The following ZNF518A variants were observed in gnomAD, a reference collection of about 807,000 sequenced individuals.
The protein encoded by ZNF518A is zinc finger protein 518A.
ZNF518A carries 47 observed loss-of-function variants against 102.7 expected under a neutral mutation model. The observed-to-expected ratio is 0.46, with a 90% CI of 0.36 to 0.58. The LOEUF is 0.58. Ranked by LOEUF, ZNF518A falls within the 20% of genes least tolerant of loss-of-function variation. The probability of loss-of-function intolerance (pLI) is 0.00; values close to 1 mark genes in which losing one functional copy is unlikely to be tolerated. For missense variants in ZNF518A, 1,793 were observed against 1,699.8 expected, an observed-to-expected ratio of 1.05 and a Z score of -0.96; for synonymous variants, 652 against 594.6, an observed-to-expected ratio of 1.10 and a Z score of -1.40.
downstream of ZNF518A, chr10:96,204,389 CT>C (rs35868270): frequency 3.0e-6 from 3 of 1,008,990 alleles, no homozygotes; most frequent in African/African-American, 1.6e-5. Context: ...TGCTCAACAC[CT>C]TTTAACACGT....
chr10:96,180,964 G>A (rs1554891974), intron 1 of ZNF518A, among the ~76,000 whole-genome samples: 1 of 152,204 alleles, frequency 6.6e-6, no homozygotes, highest in African/African-American at 2.4e-5. Context: ...CCCACCAACA[G>A]TGTAAAAGTG....
chr10:96,134,566 G>A (rs1554873700), intron 3 of ZNF518A, among the ~76,000 whole-genome samples: 1 of 152,198 alleles, frequency 6.6e-6, no homozygotes, highest in Non-Finnish European at 1.5e-5. Flanking sequence ...GGAATATTCA[G>A]TTTGTACTAT....
rs200425945 is a variant in ZNF518A, at chr10:96,157,400, G to T, written c.1078G>T (p.Asp360Tyr). The change falls in exon 6 of 6, where the codon GAC becomes TAC. Residue 360 changes from aspartate (D) to tyrosine (Y), a missense_variant. Around this residue, in one of 3 missense-constraint regions of ZNF518A, gnomAD observed 1,741 missense variants for 1,622.6 expected, o/e 1.07. Transcript: ENST00000316045. ...GAACAAAACACAGACTAAATCTGAA[G>T]ACCAGAGCCATGTTGTTCAAGAGCA... ...KMNKTQTKSE[D>Y]QSHVVQEHLS... 259 of 1,612,594 alleles carry T rather than the reference G, an allele frequency of 1.6e-4. No individual in the cohort carries two copies. In the African/African-American group the frequency reaches 2.8e-3, roughly 17 times the overall value.
In ZNF518A at chr10:96,160,036, T is replaced by C. The variant is rs782431766; in HGVS notation, c.3714T>C (p.Asn1238=). The C allele has an allele frequency of 9.3e-6, 15 of 1,610,692 alleles. No homozygotes were observed. The highest frequency in any genetic ancestry group is 1.6e-4 in the Middle Eastern group (1 of 6,062). ...CCAGGGTATTAAGGTGTAAAACAAA[T>C]TGTAGAATTGAGAGGAACTTCAATA... The part of the protein sequence containing the change: ...SESRVLRCKT[N]CRIERNFNRK... The change falls in exon 6 of 6, where the codon AAT becomes AAC. Residue 1238 remains asparagine (N), a synonymous_variant. Coordinates refer to ENST00000316045, the MANE Select transcript of ZNF518A (RefSeq NM_001330736.2).
At chr10:96,143,837 AAATT>A (rs1291236154) in intron 3 of ZNF518A, among the ~76,000 whole-genome samples, 2 of 152,222 alleles carry the variant, frequency 1.3e-5, no homozygotes, top group African/African-American at 4.8e-5. Context: ...TCTTTTAAAA[AAATT>A]AAACTATTGT....
chr10:96,173,405 T>C (rs1420149656), intron 1 of ZNF518A, among the ~76,000 whole-genome samples: 1 of 152,128 alleles, frequency 6.6e-6, no homozygotes, highest in African/African-American at 2.4e-5. Context: ...AAGATATTAG[T>C]AGGTTGAAAT....
In ZNF518A at chr10:96,160,124, A is replaced by G. The variant is rs201777755; in HGVS notation, c.3802A>G (p.Thr1268Ala). The G allele has an allele frequency of 2.1e-5, 34 of 1,610,942 alleles. No homozygotes were observed. Among genetic ancestry groups the G allele is most frequent in the Non-Finnish European group, 2.9e-5 (34 of 1,178,956 alleles). Residue 1268 changes from threonine (T) to alanine (A), a missense_variant, in exon 6 of 6, where the codon ACT (threonine) becomes GCT (alanine). This residue lies in a region of ZNF518A where 1,741 missense variants were observed against 1,622.6 expected (regional missense o/e 1.07). Coordinates refer to ENST00000316045, the MANE Select transcript of ZNF518A (RefSeq NM_001330736.2). ...AACTCATGGAAGTAAAGACTCTGAA[A>G]CTGCCTTTGTATCTAGAAACAGAAA... Reference protein sequence around the residue: ...TKTHGSKDSETAFVSRNRNCK... With the variant: ...TKTHGSKDSEAAFVSRNRNCK...
chr10:96,144,372 A>G (rs1301577996), intron 3 of ZNF518A, among the ~76,000 whole-genome samples: 2 of 152,202 alleles, frequency 1.3e-5, no homozygotes, highest in East Asian at 3.8e-4. Flanking sequence ...TTCTTTCTGT[A>G]TAATTTCATG....
rs1258179258 is a variant in ZNF518A at position 96,200,925 on chromosome 10, G to A, written n.36-2649G>A. 1 of 1,459,748 alleles carries A rather than the reference G, an allele frequency of 6.9e-7. No individual in the cohort carries two copies. 90.4% of individuals were successfully genotyped at this position (1,459,748 alleles called of 1,614,324 possible). On this transcript the variant is annotated intron_variant and non_coding_transcript_variant, in intron 1 of 2. Transcript: ENST00000442635. This position sits in a 1 kb window ranked among gnomAD's most constrained non-coding sequence, Gnocchi z 4.3. ...CAAATGTCTTCTTCTCAGAAGACAT[G>A]CTCTTTCCTGCAGTTTCCTGGTAAC...
At chr10:96,195,280 A>G (rs1479133658) in intron 1 of ZNF518A, among the ~76,000 whole-genome samples, 1 of 152,160 alleles carries the variant, frequency 6.6e-6, no homozygotes, top group East Asian at 1.9e-4. Flanking sequence ...AAAATAGAAT[A>G]CCCATATCAT....
chr10:96,149,569 C>T (rs1333389967), intron 3 of ZNF518A, among the ~76,000 whole-genome samples: 1 of 152,142 alleles, frequency 6.6e-6, no homozygotes, highest in Non-Finnish European at 1.5e-5. Context: ...TTAGCTTCCC[C>T]CTTCCTCCTT....
intron 3 of ZNF518A, among the ~76,000 whole-genome samples, chr10:96,149,815 A>G (rs2082343390): frequency 6.6e-6 from 1 of 152,144 alleles, no homozygotes; most frequent in Non-Finnish European, 1.5e-5. Flanking sequence ...TTTTAACTAT[A>G]TTAATAACAA....
rs781994308 is a variant in ZNF518A, at chr10:96,162,839, G to A, written c.*2065G>A. ...TTTTCAATGCTAGTTAACTCTACAA[G>A]ATAGATAAAAGTGTGGGATTTTTTT... is the stretch of plus-strand genomic sequence containing the variant. On this transcript the variant is annotated 3_prime_UTR_variant, in exon 6 of 6. Transcript: ENST00000316045. 1 of 166,886 alleles carries A rather than the reference G, an allele frequency of 6.0e-6. No individual in the cohort carries two copies. The highest frequency in any genetic ancestry group is 6.6e-5 in the Admixed American group (1 of 15,252). 10.3% of individuals were successfully genotyped at this position (166,886 alleles called of 1,614,324 possible). A position where few individuals can be genotyped will look rare whatever the true frequency, so the allele number is the denominator to read the frequency against.
rs1554886290 is a variant in ZNF518A at position 96,159,596 on chromosome 10, C to T, written c.3274C>T (p.Pro1092Ser). The part of the protein sequence containing the change: ...VKQQNEIFPK[P>S]PLYTFLPDGK... ...ACAGCAGAATGAGATTTTTCCAAAACCACCTCTTTATACCTTCTTGCCTGA... is the reference window on the plus strand; with the variant it reads ...ACAGCAGAATGAGATTTTTCCAAAATCACCTCTTTATACCTTCTTGCCTGA... Residue 1092 changes from proline to serine, a missense_variant, in exon 6 of 6, where the codon CCA (proline) becomes TCA (serine). By Grantham distance (74) the Pro-to-Ser change is moderately conservative. Around this residue, in one of 3 missense-constraint regions of ZNF518A, gnomAD observed 1,741 missense variants for 1,622.6 expected, o/e 1.07. Transcript: ENST00000316045. 2 of 1,613,858 alleles carry T rather than the reference C, an allele frequency of 1.2e-6. No individual in the cohort carries two copies. Among genetic ancestry groups the T allele is most frequent in the Admixed American group, 1.7e-5 (1 of 60,022 alleles).
At chr10:96,201,202 C>T in intron 1 of ZNF518A, 3 of 719,910 alleles carry the variant, frequency 4.2e-6, no homozygotes, top group Non-Finnish European at 7.2e-6. Flanking sequence ...AAAGTGTGGT[C>T]CAAGGACCCC....
chr10:96,192,287 G>A (rs1489129926), intron 1 of ZNF518A, among the ~76,000 whole-genome samples: 1 of 152,038 alleles, frequency 6.6e-6, no homozygotes, highest in Non-Finnish European at 1.5e-5. Context: ...TATTAAGTAC[G>A]AAGAAAAACA....
chr10:96,149,206 T>TA (rs1375294723), intron 3 of ZNF518A, among the ~76,000 whole-genome samples: 1 of 152,216 alleles, frequency 6.6e-6, no homozygotes, highest in African/African-American at 2.4e-5. Context: ...TTTTGGTACT[T>TA]ACCTTGTCAT....
intron 1 of ZNF518A, among the ~76,000 whole-genome samples, chr10:96,176,072 G>C (rs1406741353): frequency 6.6e-6 from 1 of 152,060 alleles, no homozygotes. Flanking sequence ...TAGGACTTCA[G>C]GTGCATGGCA....
chr10:96,140,891 T>A lies in ZNF518A; in HGVS notation c.-302+7243T>A, dbSNP rs587756641. ...AGAAGGGCGAGGCTGTAATGAGCCG[T>A]AATTGTGCCATTGCAGCACTTCAGC... On this transcript the variant is annotated intron_variant, in intron 3 of 5. Coordinates refer to ENST00000316045, the MANE Select transcript of ZNF518A (RefSeq NM_001330736.2). Among the ~76,000 whole-genome samples, 32 of 152,252 alleles carry A rather than the reference T, an allele frequency of 2.1e-4. No homozygotes were observed. The East Asian group carries it at 5.6e-3, about 27-fold the overall frequency.
Sources: allele counts gnomAD v4.1 joint callset (sites outside exome capture counted in the v4.1 genomes callset), GRCh38; gene constraint gnomAD v4.1.1; regional missense constraint gnomAD v4.1.1; non-coding constraint Gnocchi (gnomAD v3.1); transcripts MANE v1.5; gene names NCBI Gene and HGNC (gene_info 2026-07-23, HGNC 2026-07-21).